Variants in PRH1 observed in about 807,000 individuals in gnomAD.
PRH1 encodes proline rich protein HaeIII subfamily 1.
In PRH1, 7 loss-of-function variants were observed where a neutral mutation model predicts 7.9. The observed-to-expected ratio is 0.89, with a 90% CI of 0.50 to 1.67. The LOEUF (loss-of-function observed/expected upper bound fraction) is 1.67. PRH1 is among the 40% of genes most tolerant of loss of function. PRH1 has a pLI of 0.00. For synonymous variants in PRH1, 45 were observed against 80.8 expected (o/e 0.56, Z 2.38); for missense variants, 109 against 223.6 (o/e 0.49, Z 3.27).
At chr12:11,092,326 G>A (rs1164808547) in intron 1 of PRH1, 1 of 376,480 alleles carries the variant, frequency 2.7e-6, no homozygotes, top group East Asian at 5.0e-5. Flanking sequence ...TCAAAAGGGA[G>A]CCACTGACCT....
intron 1 of PRH1, among the ~76,000 whole-genome samples, chr12:11,054,570 T>C (rs1159531117): frequency 6.6e-6 from 1 of 152,100 alleles, no homozygotes; most frequent in Admixed American, 6.5e-5. Flanking sequence ...TCCTCACATA[T>C]GTGTACACAT....
chr12:10,994,846 TACC>T (rs1034431368), intron 1 of PRH1, among the ~76,000 whole-genome samples: 11 of 152,178 alleles, frequency 7.2e-5, no homozygotes, highest in African/African-American at 1.4e-4. Flanking sequence ...CAGCTAGAAA[TACC>T]ACAATATAAA....
chr12:11,105,329 G>A (rs914378559), intron 1 of PRH1, among the ~76,000 whole-genome samples: 3 of 152,036 alleles, frequency 2.0e-5, no homozygotes, highest in African/African-American at 7.3e-5. Context: ...TTAAAGGCAA[G>A]CCTGATATCA....
intron 1 of PRH1, among the ~76,000 whole-genome samples, chr12:11,035,366 A>G (rs1942393893): frequency 6.6e-6 from 1 of 152,132 alleles, no homozygotes; most frequent in Middle Eastern, 3.4e-3. Flanking sequence ...CTTTATCTTC[A>G]TTCTGGGTAG....
intron 1 of PRH1, among the ~76,000 whole-genome samples, chr12:11,071,974 GA>G (rs1193499304): frequency 5.9e-5 from 9 of 151,996 alleles, no homozygotes; most frequent in Non-Finnish European, 1.5e-5. Flanking sequence ...AGCTAGGTTT[GA>G]AATAAATTCA....
intron 2 of PRH1, among the ~76,000 whole-genome samples, chr12:10,955,300 C>A (rs1937899156): frequency 6.6e-6 from 1 of 152,026 alleles, no homozygotes; most frequent in South Asian, 2.1e-4. Context: ...CATATAATTA[C>A]ATAGAAATTA....
At chr12:10,958,813 C>T (rs1007013376) in intron 2 of PRH1, among the ~76,000 whole-genome samples, 8 of 152,074 alleles carry the variant, frequency 5.3e-5, no homozygotes, top group African/African-American at 1.9e-4. Flanking sequence ...CACAGGCAGA[C>T]AAAATCAGAT....
chr12:11,054,786 C>CTGA (rs1943290905), intron 1 of PRH1, among the ~76,000 whole-genome samples: 1 of 135,374 alleles, frequency 7.4e-6, no homozygotes. Flanking sequence ...TGCTCAGAAT[C>CTGA]TGATGTTTCT....
intron 2 of PRH1, among the ~76,000 whole-genome samples, chr12:10,896,290 C>T (rs1949643690): frequency 6.6e-6 from 1 of 152,078 alleles, no homozygotes; most frequent in Non-Finnish European, 1.5e-5. Flanking sequence ...ATTCATCTAC[C>T]ACCCTGGGCT....
At chr12:11,008,818 T>G (rs1241440567) in intron 1 of PRH1, among the ~76,000 whole-genome samples, 3 of 152,050 alleles carry the variant, frequency 2.0e-5, no homozygotes, top group Non-Finnish European at 1.5e-5. Context: ...TTATGAATAA[T>G]GCTACTATGA....
intron 1 of PRH1, among the ~76,000 whole-genome samples, chr12:11,020,195 C>T (rs1187445171): frequency 6.6e-6 from 1 of 152,224 alleles, no homozygotes; most frequent in African/African-American, 2.4e-5. Flanking sequence ...TGATTTACCA[C>T]ATCAAATTAT....
At chr12:11,054,670 A>G (rs1943284306) in intron 1 of PRH1, among the ~76,000 whole-genome samples, 2 of 152,218 alleles carry the variant, frequency 1.3e-5, no homozygotes, top group South Asian at 2.1e-4. Flanking sequence ...TTTAATATCT[A>G]TATTACTATA....
chr12:11,044,715 A>G (rs767840315), intron 1 of PRH1, among the ~76,000 whole-genome samples: 4 of 152,190 alleles, frequency 2.6e-5, no homozygotes, highest in Non-Finnish European at 5.9e-5. Context: ...GCTCAACATC[A>G]TTGACCATCA....
intron 1 of PRH1, among the ~76,000 whole-genome samples, chr12:11,094,891 C>T (rs1447374450): frequency 9.5e-6 from 1 of 105,210 alleles, no homozygotes; most frequent in Non-Finnish European, 2.2e-5. Context: ...AGTCCCTAAA[C>T]CCTTCTTCGC....
chr12:10,920,236 T>A (rs1315009456), intron 2 of PRH1, among the ~76,000 whole-genome samples: 2 of 146,092 alleles, frequency 1.4e-5, no homozygotes, highest in African/African-American at 5.6e-5. Flanking sequence ...CTACCTTAAT[T>A]TTCTTTTTCA....
rs145310730 is a variant in PRH1, at chr12:10,908,869, T to G, written c.-58-24594A>C. On this transcript the variant is annotated intron_variant, in intron 2 of 3. Coordinates refer to the PRH1 transcript ENST00000539853. Reference sequence around the variant, plus strand: ...ATATGCATGTTTATTTGTATCAGATTTAAAAATAAGAAGACCAAGGTTCCT... The same window carrying G: ...ATATGCATGTTTATTTGTATCAGATGTAAAAATAAGAAGACCAAGGTTCCT... The G allele has an allele frequency of 5.6e-6, 9 of 1,612,858 alleles. No individual in the cohort carries two copies. The highest frequency in any genetic ancestry group is 7.6e-6 in the Non-Finnish European group (9 of 1,179,740).
chr12:11,113,419 A>G (rs1945645677), intron 1 of PRH1, among the ~76,000 whole-genome samples: 1 of 152,158 alleles, frequency 6.6e-6, no homozygotes, highest in South Asian at 2.1e-4. Flanking sequence ...ACACATCTAC[A>G]ACCATCTGAT....
chr12:11,168,272 G>GA (rs1451505188), intron 1 of PRH1, among the ~76,000 whole-genome samples: 10 of 32,014 alleles, frequency 3.1e-4, no homozygotes, highest in Admixed American at 7.3e-4. Context: ...AAGAAAGAAA[G>GA]AAAGAAAGAA....
At chr12:11,069,870 G>C (rs190131842) in intron 1 of PRH1, among the ~76,000 whole-genome samples, 1 of 152,194 alleles carries the variant, frequency 6.6e-6, no homozygotes, top group Non-Finnish European at 1.5e-5. Flanking sequence ...AAGTCCCCTT[G>C]ATAACAGATG....
Sources: allele counts gnomAD v4.1 joint callset (sites outside exome capture counted in the v4.1 genomes callset), GRCh38; gene constraint gnomAD v4.1.1; transcripts MANE v1.5; gene names NCBI Gene and HGNC (gene_info 2026-07-23, HGNC 2026-07-21).